The following SLMAP variants were observed in gnomAD, a reference collection of about 807,000 sequenced individuals.
The protein encoded by SLMAP is sarcolemmal membrane-associated protein.
A neutral mutation model predicts 128.8 loss-of-function variants in SLMAP; 44 were observed. The ratio of observed to expected loss-of-function variants is 0.34; its 90% CI spans 0.27 to 0.44. The LOEUF (loss-of-function observed/expected upper bound fraction) is 0.44, where lower values mean the gene tolerates loss of function less well. Ranked by LOEUF, SLMAP falls within the 20% of genes least tolerant of loss-of-function variation. The pLI is 1.00. For missense variants in SLMAP, 787 were observed against 985.3 expected, an observed-to-expected ratio of 0.80 and a Z score of 2.69; for synonymous variants, 327 against 348.8, an observed-to-expected ratio of 0.94 and a Z score of 0.70.
At chr3:57,778,026 T>G (rs1487549026) in intron 2 of SLMAP, among the ~76,000 whole-genome samples, 1 of 152,242 alleles carries the variant, frequency 6.6e-6, no homozygotes, top group East Asian at 1.9e-4. Context: ...TTTGATTTGC[T>G]TATATTTTGT....
At chr3:57,784,316 C>G (rs1199534488) in intron 2 of SLMAP, among the ~76,000 whole-genome samples, 1 of 152,152 alleles carries the variant, frequency 6.6e-6, no homozygotes, top group Non-Finnish European at 1.5e-5. Flanking sequence ...TGCCTGAGGC[C>G]TTTGTGAGCC....
intron 3 of SLMAP, among the ~76,000 whole-genome samples, chr3:57,832,680 G>A (rs1428401292): frequency 6.6e-6 from 1 of 152,124 alleles, no homozygotes; most frequent in Non-Finnish European, 1.5e-5. Context: ...TGGTGATGAT[G>A]ATAATGCTGA....
At chr3:57,828,377 A>C (rs541938679) in intron 2 of SLMAP, among the ~76,000 whole-genome samples, 1 of 152,212 alleles carries the variant, frequency 6.6e-6, no homozygotes, top group East Asian at 1.9e-4. Flanking sequence ...TCTTTTTTTT[A>C]ATATGTCAAT....
At position 57,852,162 on chromosome 3, in the gene SLMAP, T is replaced by C. The variant is rs191499103; in HGVS notation, c.519+2346T>C. ...TCCTGACCTCGTTATCTGCCCACCT[T>C]GGCCTCCCAAAGTGCTGGGATTACA... On this transcript the variant is annotated intron_variant, in intron 6 of 24. Coordinates refer to ENST00000671191, the MANE Select transcript of SLMAP (RefSeq NM_001377540.1). 5.3e-3 allele frequency among the ~76,000 whole-genome samples: 803 copies of C among 152,200 alleles called. 5 individuals carry two copies. Among genetic ancestry groups the C allele is most frequent in the African/African-American group, 0.018 (755 of 41,528 alleles).
intron 3 of SLMAP, among the ~76,000 whole-genome samples, chr3:57,839,080 A>G (rs953841520): frequency 6.6e-6 from 1 of 151,838 alleles, no homozygotes; most frequent in Admixed American, 6.6e-5. Context: ...TAGCCTCCTG[A>G]GTAGCTGGGT....
intron 2 of SLMAP, among the ~76,000 whole-genome samples, chr3:57,819,184 C>G (rs1182813523): frequency 6.6e-6 from 1 of 152,196 alleles, no homozygotes; most frequent in Middle Eastern, 3.4e-3. Context: ...AAAGAACTTA[C>G]CTGTGGATGT....
At chr3:57,836,048 A>T (rs2093625116) in intron 3 of SLMAP, among the ~76,000 whole-genome samples, 1 of 152,186 alleles carries the variant, frequency 6.6e-6, no homozygotes, top group South Asian at 2.1e-4. Flanking sequence ...AAAAAGAAAA[A>T]ATTATATTAA....
At chr3:57,786,226 T>C (rs1181191160) in intron 2 of SLMAP, among the ~76,000 whole-genome samples, 3 of 152,202 alleles carry the variant, frequency 2.0e-5, no homozygotes, top group Non-Finnish European at 4.4e-5. Context: ...GTTACATGTT[T>C]AGGTAGATGG....
intron 13 of SLMAP, among the ~76,000 whole-genome samples, chr3:57,870,316 T>C (rs1444361356): frequency 1.3e-5 from 2 of 152,178 alleles, no homozygotes; most frequent in Admixed American, 6.6e-5. Context: ...CGTTTTGCTT[T>C]TCCTGGATCC....
At position 57,892,520 on chromosome 3, in the gene SLMAP, T is replaced by A. The variant is rs541158450; in HGVS notation, c.1360+2420T>A. ...CTTTAAACCTCAGTTCCCTCACTTGTGAAGTGAGATTGACAAAATGTGAGC... is the reference window on the plus strand; with the variant it reads ...CTTTAAACCTCAGTTCCCTCACTTGAGAAGTGAGATTGACAAAATGTGAGC... On this transcript the variant is annotated intron_variant, in intron 15 of 24. Coordinates refer to ENST00000671191, the MANE Select transcript of SLMAP (RefSeq NM_001377540.1). 7.2e-5 allele frequency among the ~76,000 whole-genome samples: 11 copies of A among 152,284 alleles called. No homozygotes were observed. The South Asian group carries it at 1.9e-3, about 26-fold the overall frequency.
intron 2 of SLMAP, among the ~76,000 whole-genome samples, chr3:57,761,120 G>C (rs958594216): frequency 2.0e-5 from 3 of 151,588 alleles, no homozygotes; most frequent in Non-Finnish European, 4.4e-5. Context: ...TTAGCACCCT[G>C]TCCCTGGCTC....
Position 57,908,509 on chromosome 3 carries a change from A to T in SLMAP, c.1624+503A>T, listed in dbSNP as rs180898957. Among the ~76,000 whole-genome samples, 4 of 152,296 alleles carry T rather than the reference A, an allele frequency of 2.6e-5. No individual in the cohort carries two copies. The East Asian group carries it at 7.7e-4, about 29-fold the overall frequency. ...AAAGGGAATGACTTCTGGAGCCCTC[A>T]TGTTCTCCAAGATGGCCTTCCTGCC... On this transcript the variant is annotated intron_variant, in intron 18 of 24. Coordinates refer to ENST00000671191, the MANE Select transcript of SLMAP (RefSeq NM_001377540.1).
intron 2 of SLMAP, among the ~76,000 whole-genome samples, chr3:57,782,575 C>T (rs1055655574): frequency 2.6e-5 from 4 of 152,122 alleles, no homozygotes; most frequent in African/African-American, 9.7e-5. Context: ...TGGGCTCAAG[C>T]GATCCTCACA....
chr3:57,839,056 C>T (rs1020934135), intron 3 of SLMAP, among the ~76,000 whole-genome samples: 10 of 151,964 alleles, frequency 6.6e-5, no homozygotes, highest in South Asian at 4.2e-4. Flanking sequence ...CAGGCTCAAG[C>T]GATCCCCCAG....
At chr3:57,870,768 T>C (rs1051380538) in intron 13 of SLMAP, among the ~76,000 whole-genome samples, 7 of 152,186 alleles carry the variant, frequency 4.6e-5, no homozygotes, top group African/African-American at 1.7e-4. Context: ...ATTCTAATGC[T>C]TTCACACTTT....
rs142491265 is a variant in SLMAP, at chr3:57,902,835, C to T, written c.1502-5049C>T. ...GAGTGACCATGGGTTTGCCTGGAACCATTTATGGCTATTGTCCCAGCATAA... is the reference window on the plus strand; with the variant it reads ...GAGTGACCATGGGTTTGCCTGGAACTATTTATGGCTATTGTCCCAGCATAA... On this transcript the variant is annotated intron_variant, in intron 17 of 24. Coordinates refer to ENST00000671191, the MANE Select transcript of SLMAP (RefSeq NM_001377540.1). 7.0e-4 allele frequency among the ~76,000 whole-genome samples: 107 copies of T among 152,268 alleles called. 1 individual carries two copies. Among genetic ancestry groups the T allele is most frequent in the Admixed American group, 6.5e-3 (99 of 15,290 alleles).
intron 17 of SLMAP, among the ~76,000 whole-genome samples, chr3:57,905,982 C>T (rs529455287): frequency 7.5e-5 from 11 of 146,458 alleles, no homozygotes; most frequent in African/African-American, 2.5e-4. Context: ...GAATTAATGT[C>T]GATGTTTTTG....
At chr3:57,829,309 A>G (rs941890209) in intron 2 of SLMAP, among the ~76,000 whole-genome samples, 6 of 152,088 alleles carry the variant, frequency 3.9e-5, no homozygotes, top group Admixed American at 3.9e-4. Context: ...GCTAGTTGCA[A>G]CTCACTAAAT....
rs1312584072 is a variant in SLMAP at position 57,922,888 on chromosome 3, G to T, written c.2311-1G>T. 1 of 1,608,808 alleles carries T rather than the reference G, an allele frequency of 6.2e-7. No individual in the cohort carries two copies. The highest frequency in any genetic ancestry group is 1.7e-5 in the Admixed American group (1 of 59,026). ...CACACTTTTTTTTTCTTTGCCTTTA[G>T]TATGAAAAGACACAGACTGTACTCT... On this transcript the variant is annotated splice_acceptor_variant, in intron 22 of 24. Transcript: ENST00000671191. LOFTEE classifies it high-confidence loss of function.
Sources: gnomAD v4.1 joint callset for allele counts (sites outside exome capture counted in the v4.1 genomes callset) on GRCh38, gnomAD v4.1.1 for gene constraint, MANE v1.5 for transcripts, NCBI Gene and HGNC (gene_info 2026-07-23, HGNC 2026-07-21) for gene names.